SAP30BP: variants seen among roughly 807,000 people sequenced by gnomAD.
The protein encoded by SAP30BP is SAP30-binding protein.
Under a neutral mutation model 46.3 loss-of-function variants are expected in SAP30BP, and 31 were observed. The ratio of observed to expected loss-of-function variants is 0.67; its 90% CI spans 0.50 to 0.90. The LOEUF (loss-of-function observed/expected upper bound fraction) is 0.90. SAP30BP is among the 40% of genes least tolerant of loss of function. The pLI, the probability that SAP30BP is intolerant of heterozygous loss-of-function variation, is 0.00. For missense variants in SAP30BP, 312 were observed against 391.0 expected, an observed-to-expected ratio of 0.80 and a Z score of 1.70; for synonymous variants, 169 against 144.2, an observed-to-expected ratio of 1.17 and a Z score of -1.23.
chr17:75,689,141 G>T (rs939027235), intron 3 of SAP30BP, among the ~76,000 whole-genome samples: 2 of 143,274 alleles, frequency 1.4e-5, no homozygotes, highest in Non-Finnish European at 3.0e-5. Context: ...TTGTCTTTTC[G>T]TTTTTCCTTG....
intron 3 of SAP30BP, 101 bp from the exon 4 acceptor site, chr17:75,693,339 T>C: frequency 9.9e-7 from 1 of 1,010,026 alleles, no homozygotes; most frequent in South Asian, 1.4e-5. Context: ...GGCAGTGCTT[T>C]TACTTTTTCT....
chr17:75,705,860 G>T (rs1599179586), intron 9 of SAP30BP, 148 bp from the exon 10 acceptor site: 4 of 1,224,124 alleles, frequency 3.3e-6, no homozygotes, highest in Non-Finnish European at 4.5e-6. Flanking sequence ...TAGACATCTC[G>T]CCCTACCCCA....
At chr17:75,676,389 G>GA (rs1489659164) in intron 3 of SAP30BP, among the ~76,000 whole-genome samples, 1 of 152,192 alleles carries the variant, frequency 6.6e-6, no homozygotes, top group East Asian at 1.9e-4. Context: ...AATCTCATCA[G>GA]AAAATCATTA....
chr17:75,708,033 G>A lies in SAP30BP; in HGVS notation c.*1512G>A, dbSNP rs564074974. Reference sequence around the variant, plus strand: ...AGAACCAGAGGTGACTTATGCAAAAGCTTTATAAACTGTAAAGTTCCTGCC... The same window carrying A: ...AGAACCAGAGGTGACTTATGCAAAAACTTTATAAACTGTAAAGTTCCTGCC... On this transcript the variant is annotated 3_prime_UTR_variant, in exon 11 of 11. Coordinates refer to ENST00000584667, the MANE Select transcript of SAP30BP (RefSeq NM_013260.8). The A allele has an allele frequency of 6.6e-6, 1 of 152,334 alleles. No individual in the cohort carries two copies. The highest frequency in any genetic ancestry group is 3.4e-3 in the Middle Eastern group (1 of 294). The allele number at this position is 152,334 out of a possible 1,614,324, so 9.4% of individuals were successfully genotyped here.
chr17:75,682,590 A>G (rs2060094178), intron 3 of SAP30BP, among the ~76,000 whole-genome samples: 1 of 152,196 alleles, frequency 6.6e-6, no homozygotes, highest in Non-Finnish European at 1.5e-5. Context: ...ATATATAAAC[A>G]TTTTCAATGT....
chr17:75,670,293 G>A (rs2059889416), intron 2 of SAP30BP, among the ~76,000 whole-genome samples: 1 of 151,984 alleles, frequency 6.6e-6, no homozygotes, highest in Admixed American at 6.6e-5. Context: ...CTGCACTCCA[G>A]CCTGGGCAAC....
intron 4 of SAP30BP, among the ~76,000 whole-genome samples, chr17:75,694,950 A>G (rs2060294830): frequency 6.6e-6 from 1 of 152,300 alleles, no homozygotes. Flanking sequence ...TACGTGTGCC[A>G]TTTTATGAAT....
At chr17:75,672,775 G>A (rs1167068100) in intron 3 of SAP30BP, among the ~76,000 whole-genome samples, 2 of 152,032 alleles carry the variant, frequency 1.3e-5, no homozygotes, top group Non-Finnish European at 2.9e-5. Context: ...TGGCCAGTAT[G>A]GTGAAACCCC....
At chr17:75,695,177 T>G (rs1349007801) in intron 4 of SAP30BP, among the ~76,000 whole-genome samples, 1 of 152,190 alleles carries the variant, frequency 6.6e-6, no homozygotes, top group Non-Finnish European at 1.5e-5. Flanking sequence ...TACTGACACT[T>G]AGGGCTGGAT....
At chr17:75,674,301 A>T (rs1041755675) in intron 3 of SAP30BP, among the ~76,000 whole-genome samples, 3 of 151,752 alleles carry the variant, frequency 2.0e-5, no homozygotes, top group African/African-American at 7.3e-5. Context: ...TATTTATTTT[A>T]TTTATTTTTT....
At chr17:75,705,720 G>T (rs1408432677) in intron 9 of SAP30BP, 2 of 1,194,466 alleles carry the variant, frequency 1.7e-6, no homozygotes, top group Non-Finnish European at 2.1e-6. Context: ...TGGCCAAACG[G>T]TTCTGGGCAT....
In SAP30BP at chr17:75,707,333, C is replaced by T. The variant is rs1278739636; in HGVS notation, c.*812C>T. ...GCCCTGCTCCTGGGAGGGCTCCTGC[C>T]ACCCCACCCTTCCTCTGTGTGTTAT... On this transcript the variant is annotated 3_prime_UTR_variant, in exon 11 of 11. Transcript: ENST00000584667. The T allele has an allele frequency of 6.5e-6, 1 of 152,700 alleles. No individual in the cohort carries two copies. The highest frequency in any genetic ancestry group is 1.9e-4 in the East Asian group (1 of 5,196). The allele number at this position is 152,700 out of a possible 1,614,324, so 9.5% of individuals were successfully genotyped here. A position where few individuals can be genotyped will look rare whatever the true frequency, so the allele number is the denominator to read the frequency against.
Position 75,706,347 on chromosome 17 carries a change from G to T in SAP30BP, c.753G>T (p.Gln251His). 1 of 1,613,212 alleles carries T rather than the reference G, an allele frequency of 6.2e-7. No homozygotes were observed. Among genetic ancestry groups the T allele is most frequent in the South Asian group, 1.1e-5 (1 of 91,080 alleles). The change falls in exon 11 of 11, where the codon CAG (glutamine) becomes CAT (histidine). Residue 251 changes from glutamine to histidine, a missense_variant. Gln to His is a conservative substitution (Grantham distance 24). Around this residue, in one of 2 missense-constraint regions of SAP30BP, gnomAD observed 296 missense variants for 346.6 expected, o/e 0.85. Transcript: ENST00000584667. This position sits in a 1 kb window ranked among gnomAD's most constrained non-coding sequence, Gnocchi z 4.6. ...TTASTAVADA[Q>H]KRKSKWDSAI... The stretch of plus-strand genomic sequence containing the variant: ...TTTCTGCTTTATCTCCAGATGCTCA[G>T]AAGAGAAAGAGCAAGTGGGATTCGG...
intron 3 of SAP30BP, among the ~76,000 whole-genome samples, chr17:75,680,167 TC>T (rs1250190125): frequency 6.6e-6 from 1 of 152,000 alleles, no homozygotes; most frequent in East Asian, 1.9e-4. Context: ...TAGGAAAAGA[TC>T]TAGATCTCAC....
chr17:75,675,351 A>G (rs148506896), intron 3 of SAP30BP, among the ~76,000 whole-genome samples: 2,571 of 152,046 alleles, frequency 0.017, 36 homozygotes, highest in South Asian at 0.033. Context: ...GGGTTTCACC[A>G]TGTTGGCCAG....
chr17:75,693,273 C>T (rs934264578), intron 3 of SAP30BP, 167 bp from the exon 4 acceptor site: 11 of 595,020 alleles, frequency 1.8e-5, no homozygotes, highest in Non-Finnish European at 2.7e-5. Flanking sequence ...GAAGAGGGTT[C>T]GGAGGCTCGG....
At chr17:75,703,465 CGTG>C in intron 7 of SAP30BP, 94 bp downstream of exon 7, 1 of 1,063,490 alleles carries the variant, frequency 9.4e-7, no homozygotes, top group East Asian at 2.5e-5. Context: ...GAAAGGTCCA[CGTG>C]GTGGCACGGC....
intron 3 of SAP30BP, among the ~76,000 whole-genome samples, chr17:75,673,211 G>A: frequency 6.6e-6 from 1 of 152,132 alleles, no homozygotes. Context: ...TTTGGCGCCA[G>A]CATGCAGGAG....
chr17:75,697,903 C>T (rs1024100080), intron 4 of SAP30BP, among the ~76,000 whole-genome samples: 3 of 152,190 alleles, frequency 2.0e-5, no homozygotes, highest in Non-Finnish European at 2.9e-5. Context: ...GCTGGCTGTG[C>T]GAAGCCAGCC....
Sources: gnomAD v4.1 joint callset for allele counts (sites outside exome capture counted in the v4.1 genomes callset) on GRCh38, gnomAD v4.1.1 for gene constraint, gnomAD v4.1.1 regional missense constraint, Gnocchi (gnomAD v3.1) non-coding constraint, MANE v1.5 for transcripts, NCBI Gene and HGNC (gene_info 2026-07-23, HGNC 2026-07-21) for gene names.